HECW2: variants seen among roughly 807,000 people sequenced by gnomAD.
The protein encoded by HECW2 is E3 ubiquitin-protein ligase HECW2.
In HECW2, 61 loss-of-function variants were observed where a neutral mutation model predicts 175.2. The observed-to-expected ratio is 0.35, with a 90% confidence interval of 0.28 to 0.43. The LOEUF (loss-of-function observed/expected upper bound fraction) is 0.43, where lower values mean the gene tolerates loss of function less well. Among genes scored for constraint, HECW2 ranks in the 20% least tolerant of loss-of-function variants. HECW2 has a pLI of 1.00. For missense variants in HECW2, 1,524 were observed against 2,000.5 expected (o/e 0.76, Z 4.54); for synonymous variants, 671 against 731.0 (o/e 0.92, Z 1.32).
At chr2:196,516,453 G>T (rs1306044679) in intron 1 of HECW2, among the ~76,000 whole-genome samples, 1 of 152,028 alleles carries the variant, frequency 6.6e-6, no homozygotes, top group East Asian at 1.9e-4. Flanking sequence ...TATAATTTTT[G>T]TAATTTTTTC....
chr2:196,257,984 A>G, intron 17 of HECW2, 78 bp from the exon 18 acceptor site: 6 of 1,002,006 alleles, frequency 6.0e-6, no homozygotes, highest in East Asian at 4.8e-5. Flanking sequence ...AGCATTTTTT[A>G]TAATAGTCAT....
intron 1 of HECW2, among the ~76,000 whole-genome samples, chr2:196,569,617 G>T (rs1275571757): frequency 4.6e-5 from 7 of 152,068 alleles, no homozygotes; most frequent in Non-Finnish European, 1.0e-4. Context: ...CATCACTAGG[G>T]GGACCCTCTA....
chr2:196,320,524 T>C, intron 7 of HECW2, 85 bp from the exon 8 acceptor site: 1 of 736,682 alleles, frequency 1.4e-6, no homozygotes. Context: ...ACCAAATCCC[T>C]CCTATCTCTC....
chr2:196,493,620 T>A (rs7582244), intron 1 of HECW2, among the ~76,000 whole-genome samples: 1 of 152,220 alleles, frequency 6.6e-6, no homozygotes, highest in East Asian at 1.9e-4. Flanking sequence ...ATCAGTTTTT[T>A]AAAAAATTAG....
intron 1 of HECW2, among the ~76,000 whole-genome samples, chr2:196,559,174 G>C (rs1689912160): frequency 6.6e-6 from 1 of 152,136 alleles, no homozygotes. Flanking sequence ...ACACCATACT[G>C]ATGCCCTCTG....
At chr2:196,549,594 C>CT (rs200999438) in intron 1 of HECW2, among the ~76,000 whole-genome samples, 6,124 of 144,690 alleles carry the variant, frequency 0.042, 385 homozygotes, top group African/African-American at 0.14. Flanking sequence ...CAGTCTTGCT[C>CT]TTTTTTTTTT....
At chr2:196,285,545 T>A (rs561453648) in intron 14 of HECW2, among the ~76,000 whole-genome samples, 40 of 152,332 alleles carry the variant, frequency 2.6e-4, no homozygotes, top group African/African-American at 9.1e-4. Flanking sequence ...CTCATTGTAA[T>A]CTACTTTCAT....
intron 26 of HECW2, 135 bp downstream of exon 26, chr2:196,219,904 T>A: frequency 3.2e-6 from 2 of 630,608 alleles, no homozygotes; most frequent in Non-Finnish European, 5.7e-6. Context: ...TTGCCCAAGG[T>A]CTCAAGGGAG....
At chr2:196,573,105 T>C (rs931121797) in intron 1 of HECW2, among the ~76,000 whole-genome samples, 1 of 151,894 alleles carries the variant, frequency 6.6e-6, no homozygotes, top group Non-Finnish European at 1.5e-5. Flanking sequence ...TGTTTCAAGA[T>C]CTAAAAAAGA....
chr2:196,423,684 TTG>T (rs60030164), intron 2 of HECW2, among the ~76,000 whole-genome samples: 3,355 of 140,016 alleles, frequency 0.024, 113 homozygotes, highest in African/African-American at 0.08. Context: ...TAGTATTCCA[TTG>T]TGTGTGTGTG....
chr2:196,533,959 G>A (rs1452052491), intron 1 of HECW2, among the ~76,000 whole-genome samples: 2 of 152,126 alleles, frequency 1.3e-5, no homozygotes, highest in African/African-American at 2.4e-5. Flanking sequence ...CTGCTACTTT[G>A]ATACTGTTCA....
chr2:196,255,747 C>T (rs1689030196), intron 18 of HECW2, among the ~76,000 whole-genome samples: 1 of 152,152 alleles, frequency 6.6e-6, no homozygotes, highest in Admixed American at 6.5e-5. Flanking sequence ...TTTGTAGTCA[C>T]CAATTCAAAT....
intron 1 of HECW2, among the ~76,000 whole-genome samples, chr2:196,547,339 G>A (rs946365803): frequency 6.6e-6 from 1 of 152,170 alleles, no homozygotes; most frequent in East Asian, 1.9e-4. Context: ...GAAGATTCTG[G>A]CTGTCCAAGG....
chr2:196,467,729 A>AT (rs1242069707), intron 1 of HECW2, among the ~76,000 whole-genome samples: 1 of 152,136 alleles, frequency 6.6e-6, no homozygotes, highest in Non-Finnish European at 1.5e-5. Context: ...AAAAGGGAAG[A>AT]TTTTCTCATT....
At chr2:196,487,534 T>G (rs1447329926) in intron 1 of HECW2, among the ~76,000 whole-genome samples, 3 of 152,094 alleles carry the variant, frequency 2.0e-5, no homozygotes, top group Admixed American at 6.5e-5. Context: ...ACTTTACCCC[T>G]GCCATGGAAC....
At chr2:196,447,149 A>T (rs1221496241) in intron 1 of HECW2, among the ~76,000 whole-genome samples, 1 of 150,348 alleles carries the variant, frequency 6.7e-6, no homozygotes, top group Non-Finnish European at 1.5e-5. Flanking sequence ...ATACTGGGAT[A>T]AAAAAAAATG....
At chr2:196,465,896 T>C (rs1327537205) in intron 1 of HECW2, among the ~76,000 whole-genome samples, 1 of 152,122 alleles carries the variant, frequency 6.6e-6, no homozygotes, top group Non-Finnish European at 1.5e-5. Context: ...CTATCAGTCA[T>C]CTGGCCAATA....
At chr2:196,273,928 AGC>A in intron 16 of HECW2, 91 bp downstream of exon 16, 1 of 859,090 alleles carries the variant, frequency 1.2e-6, no homozygotes, top group South Asian at 1.7e-5. Context: ...GGCAAAAAGT[AGC>A]AGGCTAACAA....
chr2:196,464,485 C>T (rs182307284), intron 1 of HECW2, among the ~76,000 whole-genome samples: 1 of 152,240 alleles, frequency 6.6e-6, no homozygotes, highest in Admixed American at 6.5e-5. Flanking sequence ...TAAGCTGAGA[C>T]ATTCAATCCT....
Sources: gnomAD v4.1 joint callset for allele counts (sites outside exome capture counted in the v4.1 genomes callset) on GRCh38, gnomAD v4.1.1 for gene constraint, MANE v1.5 for transcripts, NCBI Gene and HGNC (gene_info 2026-07-23, HGNC 2026-07-21) for gene names.